Variants in MAGI2 observed in about 807,000 individuals in gnomAD.
MAGI2 encodes membrane associated guanylate kinase, WW and PDZ domain containing 2, also known as membrane-associated guanylate kinase, WW and PDZ domain-containing protein 2.
A neutral mutation model predicts 133.3 loss-of-function variants in MAGI2; 35 were observed. That is an observed-to-expected ratio of 0.26 (90% CI 0.20 to 0.35). The LOEUF is 0.35. MAGI2 is among the 10% of genes least tolerant of loss of function. The pLI is 1.00. For missense variants in MAGI2, 1,636 were observed against 1,863.4 expected, an observed-to-expected ratio of 0.88 and a Z score of 2.25; for synonymous variants, 729 against 710.6, an observed-to-expected ratio of 1.03 and a Z score of -0.41.
At chr7:78,994,519 G>A (rs1489801756) in intron 2 of MAGI2, among the ~76,000 whole-genome samples, 1 of 152,016 alleles carries the variant, frequency 6.6e-6, no homozygotes, top group Non-Finnish European at 1.5e-5. Context: ...ATAGATACAC[G>A]TTCATGTAGT....
chr7:78,861,718 G>C (rs1355905324), intron 2 of MAGI2, among the ~76,000 whole-genome samples: 1 of 152,118 alleles, frequency 6.6e-6, no homozygotes, highest in Non-Finnish European at 1.5e-5. Flanking sequence ...GAAATTAGGA[G>C]AATATATGAG....
At chr7:78,572,785 C>T (rs1272663118) in intron 3 of MAGI2, among the ~76,000 whole-genome samples, 1 of 151,698 alleles carries the variant, frequency 6.6e-6, no homozygotes, top group Non-Finnish European at 1.5e-5. Context: ...GCCTTAGCCA[C>T]CCAAGTAGCT....
At chr7:78,027,572 G>A (rs1412038616) in intron 21 of MAGI2, among the ~76,000 whole-genome samples, 4 of 149,044 alleles carry the variant, frequency 2.7e-5, no homozygotes, top group Non-Finnish European at 5.9e-5. Context: ...AAGTTACAGT[G>A]AGCCGAGATC....
intron 1 of MAGI2, among the ~76,000 whole-genome samples, chr7:79,369,720 T>C (rs1050679956): frequency 7.9e-5 from 12 of 152,206 alleles, no homozygotes; most frequent in African/African-American, 2.2e-4. Flanking sequence ...GTAATGTACA[T>C]GCACATCGAT....
intron 2 of MAGI2, among the ~76,000 whole-genome samples, chr7:78,944,328 G>T (rs375662650): frequency 6.6e-6 from 1 of 152,030 alleles, no homozygotes; most frequent in Admixed American, 6.6e-5. Flanking sequence ...CCTTTCAGTG[G>T]CTGCCCCTCA....
intron 1 of MAGI2, among the ~76,000 whole-genome samples, chr7:79,188,140 G>T (rs976046346): frequency 5.9e-5 from 9 of 151,662 alleles, no homozygotes; most frequent in African/African-American, 2.2e-4. Flanking sequence ...TAGTTCTGGG[G>T]TACATACGCA....
intron 6 of MAGI2, among the ~76,000 whole-genome samples, chr7:78,422,807 G>A (rs1165743301): frequency 6.6e-6 from 1 of 152,078 alleles, no homozygotes; most frequent in Non-Finnish European, 1.5e-5. Context: ...AAAAAACCTA[G>A]TCTTGCACAA....
At chr7:78,156,807 C>T (rs1824433294) in intron 16 of MAGI2, among the ~76,000 whole-genome samples, 1 of 148,368 alleles carries the variant, frequency 6.7e-6, no homozygotes, top group Non-Finnish European at 1.5e-5. Context: ...GCTCCCGAAG[C>T]CACGAAAAAA....
At chr7:78,079,163 AT>A (rs1815691888) in intron 20 of MAGI2, 78 bp from the exon 21 acceptor site, 1 of 1,402,794 alleles carries the variant, frequency 7.1e-7, no homozygotes, top group African/African-American at 1.4e-5. Flanking sequence ...AAAAAAAAGC[AT>A]GTCTAGATGA....
intron 2 of MAGI2, among the ~76,000 whole-genome samples, chr7:78,863,651 T>A (rs1794330576): frequency 6.6e-6 from 1 of 152,176 alleles, no homozygotes; most frequent in Non-Finnish European, 1.5e-5. Context: ...ATAGCACCAC[T>A]CTTTGAGAAT....
chr7:78,497,738 ATCTATCTATCTATCTATCTATCTATCTT>A, intron 5 of MAGI2, among the ~76,000 whole-genome samples: 1 of 112,934 alleles, frequency 8.9e-6, no homozygotes, highest in African/African-American at 3.2e-5. Flanking sequence ...CTATCTATCT[ATCTATCTATCTATCTATCTATCTATCTT>A]TCTATCTTAT....
intron 6 of MAGI2, among the ~76,000 whole-genome samples, chr7:78,411,968 A>G (rs568156307): frequency 3.3e-5 from 5 of 152,148 alleles, no homozygotes; most frequent in African/African-American, 1.2e-4. Flanking sequence ...TTTTGGTCCT[A>G]AGGCTTTGGC....
At chr7:78,573,233 A>AATAT (rs1190975101) in intron 3 of MAGI2, among the ~76,000 whole-genome samples, 2 of 44,494 alleles carry the variant, frequency 4.5e-5, no homozygotes, top group Non-Finnish European at 7.6e-5. Flanking sequence ...TATAAATATA[A>AATAT]ATATATATAT....
At chr7:79,182,448 T>A (rs7795498) in intron 1 of MAGI2, among the ~76,000 whole-genome samples, 123,338 of 151,738 alleles carry the variant, frequency 0.81, 50,715 homozygotes, top group Non-Finnish European at 0.87. Flanking sequence ...TGCAGGAAAG[T>A]CCTGTCCCCA....
At chr7:78,570,102 TG>T (rs2150765050) in intron 3 of MAGI2, among the ~76,000 whole-genome samples, 1 of 152,320 alleles carries the variant, frequency 6.6e-6, no homozygotes, top group South Asian at 2.1e-4. Context: ...TACCCACTCT[TG>T]TACACGTCCT....
intron 9 of MAGI2, among the ~76,000 whole-genome samples, chr7:78,293,277 T>C (rs1010703508): frequency 2.6e-5 from 4 of 152,130 alleles, no homozygotes; most frequent in Admixed American, 6.5e-5. Flanking sequence ...AGGCAAAGGA[T>C]GTGAACAGAC....
chr7:78,516,114 T>C (rs1000684142), intron 4 of MAGI2, among the ~76,000 whole-genome samples: 1 of 152,152 alleles, frequency 6.6e-6, no homozygotes, highest in African/African-American at 2.4e-5. Context: ...AAAATTTTTA[T>C]TGGATTTTGA....
chr7:79,275,418 G>T (rs566996047), intron 1 of MAGI2, among the ~76,000 whole-genome samples: 1 of 152,132 alleles, frequency 6.6e-6, no homozygotes, highest in Non-Finnish European at 1.5e-5. Flanking sequence ...TTCTTTGAAG[G>T]CTGAAAAAGA....
At chr7:79,308,979 T>C (rs928357863) in intron 1 of MAGI2, among the ~76,000 whole-genome samples, 22 of 152,064 alleles carry the variant, frequency 1.4e-4, no homozygotes, top group Non-Finnish European at 2.5e-4. Flanking sequence ...AAAAATAAAA[T>C]TTTTCACTGA....
Sources: gnomAD v4.1 joint callset for allele counts (sites outside exome capture counted in the v4.1 genomes callset) on GRCh38, gnomAD v4.1.1 for gene constraint, MANE v1.5 for transcripts, NCBI Gene and HGNC (gene_info 2026-07-23, HGNC 2026-07-21) for gene names.